Variants in LSM12 observed in about 807,000 individuals in gnomAD.
The protein encoded by LSM12 is protein LSM12.
For synonymous variants in LSM12, 74 were observed against 87.3 expected, an observed-to-expected ratio of 0.85 and a Z score of 0.85; for missense variants, 108 against 238.9, an observed-to-expected ratio of 0.45 and a Z score of 3.61.
chr17:44,054,361 G>C (rs2049683344), intron 2 of LSM12, among the ~76,000 whole-genome samples: 1 of 152,164 alleles, frequency 6.6e-6, no homozygotes, highest in Non-Finnish European at 1.5e-5. Context: ...ACCCAGGCTG[G>C]AGTACAGTGG....
chr17:44,056,020 C>T (rs749865038), intron 2 of LSM12, among the ~76,000 whole-genome samples: 1 of 151,748 alleles, frequency 6.6e-6, no homozygotes, highest in Non-Finnish European at 1.5e-5. Context: ...GTAATCCCAG[C>T]ACTTTGGGAA....
At chr17:44,041,273 TAAAA>T (rs11302122) in intron 2 of LSM12, among the ~76,000 whole-genome samples, 4 of 110,276 alleles carry the variant, frequency 3.6e-5, no homozygotes, top group Non-Finnish European at 5.6e-5. Flanking sequence ...TCTGTCTCTT[TAAAA>T]AAAAAAAAAA....
chr17:44,053,306 G>T (rs2144097471), intron 2 of LSM12, among the ~76,000 whole-genome samples: 1 of 152,270 alleles, frequency 6.6e-6, no homozygotes, highest in African/African-American at 2.4e-5. Flanking sequence ...ACAAGAGCAA[G>T]GTCGAGTAGA....
At chr17:44,038,329 T>C (rs958300763) in intron 3 of LSM12, among the ~76,000 whole-genome samples, 2 of 129,200 alleles carry the variant, frequency 1.5e-5, no homozygotes, top group African/African-American at 6.0e-5. Context: ...ACTCCCAACC[T>C]AGGCAATAAA....
At position 44,036,197 on chromosome 17, in the gene LSM12, T is replaced by A; in HGVS notation, c.*11A>T. 1 of 1,609,874 alleles carries A rather than the reference T, an allele frequency of 6.2e-7. No individual in the cohort carries two copies. Reference sequence around the variant, plus strand: ...GGCTGGATGCTGGAAGAGTCCTCCATGTGTACGGACTCAGGATGACAGGGC... The same window carrying A: ...GGCTGGATGCTGGAAGAGTCCTCCAAGTGTACGGACTCAGGATGACAGGGC... On this transcript the variant is annotated 3_prime_UTR_variant, in exon 5 of 5. Transcript: ENST00000293406.
At chr17:44,060,241 A>G (rs1194847216) in intron 2 of LSM12, among the ~76,000 whole-genome samples, 1 of 152,210 alleles carries the variant, frequency 6.6e-6, no homozygotes, top group Non-Finnish European at 1.5e-5. Flanking sequence ...AAACTTCAAC[A>G]GTTTTCTTCC....
intron 1 of LSM12, among the ~76,000 whole-genome samples, chr17:44,064,739 A>G (rs2049847380): frequency 6.6e-6 from 1 of 152,042 alleles, no homozygotes; most frequent in South Asian, 2.1e-4. Flanking sequence ...TCTCAAAAAA[A>G]AAAAAAAAAA....
At chr17:44,040,001 CA>C in intron 3 of LSM12, 145 bp downstream of exon 3, 2 of 579,380 alleles carry the variant, frequency 3.5e-6, no homozygotes, top group South Asian at 4.1e-5. Context: ...ACAGCACCTG[CA>C]CCTCTGGATG....
upstream of LSM12, chr17:44,066,673 C>T (rs569278220): frequency 2.0e-3 from 2,479 of 1,260,060 alleles, 6 homozygotes; most frequent in Non-Finnish European, 2.3e-3. Context: ...CGCGACGGCG[C>T]GCACGGAGCG....
intron 2 of LSM12, among the ~76,000 whole-genome samples, chr17:44,060,127 T>C (rs1359782976): frequency 6.6e-6 from 1 of 152,174 alleles, no homozygotes; most frequent in Non-Finnish European, 1.5e-5. Context: ...ATGGCGCCAC[T>C]GCACTCCAGC....
At chr17:44,040,638 G>A (rs1438952555) in intron 2 of LSM12, among the ~76,000 whole-genome samples, 1 of 151,992 alleles carries the variant, frequency 6.6e-6, no homozygotes, top group Non-Finnish European at 1.5e-5. Context: ...GAGTGTGGCT[G>A]GGGGACTATG....
chr17:44,043,548 C>CTTT (rs34478151), intron 2 of LSM12, among the ~76,000 whole-genome samples: 5 of 134,224 alleles, frequency 3.7e-5, no homozygotes, highest in Non-Finnish European at 6.3e-5. Context: ...GAGGAGTTTC[C>CTTT]TTTTTTTTTT....
chr17:44,066,644 C>A lies in LSM12; in HGVS notation c.-57G>T, dbSNP rs1045390058. The A allele has an allele frequency of 3.9e-6, 5 of 1,285,290 alleles. No homozygotes were observed. The highest frequency in any genetic ancestry group is 1.6e-5 in the African/African-American group (1 of 64,128). 79.6% of individuals were successfully genotyped at this position (1,285,290 alleles called of 1,614,324 possible). A position where few individuals can be genotyped will look rare whatever the true frequency, so the allele number is the denominator to read the frequency against. On this transcript the variant is annotated 5_prime_UTR_variant, in exon 1 of 5. Transcript: ENST00000293406. ...GCGGCAGCAGCGGGCGAAAGCCGGG[C>A]CCCCAGTGAGCGCCGCGACGCGACG...
At chr17:44,042,195 G>A (rs1033119131) in intron 2 of LSM12, among the ~76,000 whole-genome samples, 1 of 151,962 alleles carries the variant, frequency 6.6e-6, no homozygotes. Context: ...GCTGAGACAG[G>A]AGAATCGCTT....
intron 2 of LSM12, among the ~76,000 whole-genome samples, chr17:44,063,020 G>C (rs1405896419): frequency 1.3e-5 from 2 of 152,122 alleles, no homozygotes; most frequent in Non-Finnish European, 2.9e-5. Flanking sequence ...AGTGAGCCGA[G>C]ATCGCGTCAC....
rs775682915 is a variant in LSM12 at position 44,036,162 on chromosome 17, G to GCGCCT, written c.*41_*45dup. ...CCTGCCTCCGCTGAAGCCACCACCA[G>GCGCCT]CGCCTCCTTGGCTGGATGCTGGAAG... On this transcript the variant is annotated 3_prime_UTR_variant, in exon 5 of 5. Transcript: ENST00000293406. 2.7e-4 allele frequency: 429 copies of GCGCCT among 1,591,224 alleles called. No homozygotes were observed. Among genetic ancestry groups the GCGCCT allele is most frequent in the Non-Finnish European group, 3.5e-4 (411 of 1,166,588 alleles).
chr17:44,036,428 CT>C, intron 4 of LSM12, 128 bp from the exon 5 acceptor site: 1 of 1,258,786 alleles, frequency 7.9e-7, no homozygotes, highest in Non-Finnish European at 1.1e-6. Flanking sequence ...CACCTTTGCC[CT>C]TGCTGTCTAT....
At chr17:44,065,219 G>A (rs1597900559) in intron 1 of LSM12, among the ~76,000 whole-genome samples, 1 of 151,986 alleles carries the variant, frequency 6.6e-6, no homozygotes. Flanking sequence ...CGGATCACGA[G>A]GTCAGAAGTT....
chr17:44,036,049 G>A lies in LSM12; in HGVS notation c.*159C>T, dbSNP rs1157245579. On this transcript the variant is annotated 3_prime_UTR_variant, in exon 5 of 5. Coordinates refer to ENST00000293406, the MANE Select transcript of LSM12 (RefSeq NM_001371445.1). ...TTATTCTCTTGTTCTTTTTTGTTGG[G>A]TGTTTTGTTTGTTCAAGTCTAAGAT... The A allele has an allele frequency of 1.8e-6, 1 of 566,734 alleles. No individual in the cohort carries two copies. Among genetic ancestry groups the A allele is most frequent in the African/African-American group, 2.0e-5 (1 of 48,950 alleles). The allele number at this position is 566,734 out of a possible 1,614,324, so 35.1% of individuals were successfully genotyped here.
Sources: allele counts gnomAD v4.1 joint callset (sites outside exome capture counted in the v4.1 genomes callset), GRCh38; gene constraint gnomAD v4.1.1; transcripts MANE v1.5; gene names NCBI Gene and HGNC (gene_info 2026-07-23, HGNC 2026-07-21).